Variants in TBCE observed in about 807,000 individuals in gnomAD.
TBCE encodes the protein tubulin folding cofactor E.
TBCE carries 53 observed loss-of-function variants against 77.0 expected under a neutral mutation model. That is an observed-to-expected ratio of 0.69 (90% CI 0.55 to 0.87). The LOEUF (loss-of-function observed/expected upper bound fraction) is 0.87, where lower values mean the gene tolerates loss of function less well. TBCE is among the 40% of genes least tolerant of loss of function. TBCE has a pLI of 0.00. For missense variants in TBCE, 624 were observed against 622.4 expected (o/e 1.00, Z -0.03); for synonymous variants, 235 against 241.3 (o/e 0.97, Z 0.24).
chr1:235,398,253 C>T (rs908127725), intron 2 of TBCE, among the ~76,000 whole-genome samples: 7 of 150,932 alleles, frequency 4.6e-5, no homozygotes, highest in Non-Finnish European at 8.8e-5. Context: ...TCCAGCAATT[C>T]TCCCAACTCA....
Position 235,401,527 on chromosome 1 carries a change from A to G in TBCE, c.125A>G (p.Asp42Gly). 1 of 1,613,874 alleles carries G rather than the reference A, an allele frequency of 6.2e-7. No individual in the cohort carries two copies. Among genetic ancestry groups the G allele is most frequent in the Non-Finnish European group, 8.5e-7 (1 of 1,179,856 alleles). Reference protein sequence around the residue: ...VAGPWLGVEWDNPERGKHDGS... With the variant: ...VAGPWLGVEWGNPERGKHDGS... ...GGACCCTGGTTAGGAGTAGAATGGGACAATCCCGAGAGAGGAAAGCATGAT... is the reference window on the plus strand; with the variant it reads ...GGACCCTGGTTAGGAGTAGAATGGGGCAATCCCGAGAGAGGAAAGCATGAT... Residue 42 changes from aspartate to glycine, a missense_variant, in exon 3 of 17, where the codon GAC becomes GGC. By Grantham distance (94) the Asp-to-Gly change is moderately conservative. Coordinates refer to ENST00000642610, the MANE Select transcript of TBCE (RefSeq NM_003193.5).
At chr1:235,425,466 AC>A (rs1680657936) in intron 5 of TBCE, among the ~76,000 whole-genome samples, 1 of 152,032 alleles carries the variant, frequency 6.6e-6, no homozygotes, top group African/African-American at 2.4e-5. Context: ...AAGCACAGTG[AC>A]TTTTACTGGA....
At chr1:235,444,887 G>T (rs541439137) in intron 15 of TBCE, among the ~76,000 whole-genome samples, 2 of 152,388 alleles carry the variant, frequency 1.3e-5, no homozygotes, top group African/African-American at 4.8e-5. Flanking sequence ...AGGCACTGAG[G>T]TAGACCTGCC....
At chr1:235,398,539 T>G (rs531620306) in intron 2 of TBCE, among the ~76,000 whole-genome samples, 2 of 152,052 alleles carry the variant, frequency 1.3e-5, no homozygotes, top group African/African-American at 4.8e-5. Context: ...ATCTTACTAC[T>G]TGCTTTTTGT....
rs754486562 is a variant in TBCE, at chr1:235,450,363, G to A, written c.*1601G>A. The A allele has an allele frequency of 4.3e-6, 7 of 1,611,934 alleles. No homozygotes were observed. Among genetic ancestry groups the A allele is most frequent in the South Asian group, 1.1e-5 (1 of 90,992 alleles). ...GTCCTGTTGAGAAACAACCAAAGCC[G>A]ATCTGAGAGTGGTGAAACTGTTTTA... On this transcript the variant is annotated 3_prime_UTR_variant, in exon 17 of 17. Transcript: ENST00000642610.
Position 235,419,556 on chromosome 1 carries a change from G to A in TBCE, c.455G>A (p.Cys152Tyr). 4.3e-6 allele frequency: 7 copies of A among 1,614,052 alleles called. No individual in the cohort carries two copies. Among genetic ancestry groups the A allele is most frequent in the Non-Finnish European group, 5.9e-6 (7 of 1,180,010 alleles). ...GAAAAAGGAGGAGTTGCTGAAGCAT[G>A]TCCTAGTATCCTTTTCACCGAGAGC... ...AGEKGGVAEA[C>Y]PNIRKVDLSK... The change falls in exon 5 of 17, where the codon TGT becomes TAT. Residue 152 changes from cysteine (C) to tyrosine (Y), a missense_variant. Transcript: ENST00000642610.
At chr1:235,425,866 G>A (rs1680681704) in intron 5 of TBCE, among the ~76,000 whole-genome samples, 1 of 152,122 alleles carries the variant, frequency 6.6e-6, no homozygotes, top group South Asian at 2.1e-4. Flanking sequence ...TGCCCTCTTA[G>A]AGGAGGTGGT....
At chr1:235,376,864 C>T (rs556355995) in intron 1 of TBCE, among the ~76,000 whole-genome samples, 11 of 152,140 alleles carry the variant, frequency 7.2e-5, no homozygotes, top group African/African-American at 2.4e-4. Context: ...ATCCCAGTTA[C>T]TCAGGAGGGT....
intron 13 of TBCE, chr1:235,441,367 T>G (rs1681866044): frequency 3.9e-6 from 1 of 257,376 alleles, no homozygotes; most frequent in Non-Finnish European, 7.5e-6. Flanking sequence ...AGAAGTGTCC[T>G]GTGGATCGTG....
chr1:235,423,061 C>T (rs16832600), intron 5 of TBCE, among the ~76,000 whole-genome samples: 12,621 of 152,256 alleles, frequency 0.083, 881 homozygotes, highest in African/African-American at 0.19. Context: ...ATTGAATTCT[C>T]GCCAGAAGTT....
At position 235,432,894 on chromosome 1, in the gene TBCE, T is replaced by C. The variant is rs911907092; in HGVS notation, c.661-1310T>C. On this transcript the variant is annotated intron_variant, in intron 7 of 16. Transcript: ENST00000642610. ...TTATATATTATTATACATAATTATA[T>C]AATATATAATAATTTTTTGTAATTT... is the stretch of plus-strand genomic sequence containing the variant. The C allele has an allele frequency of 2.3e-4, 156 of 678,956 alleles. 1 individual carries two copies. The highest frequency in any genetic ancestry group is 2.9e-4 in the Non-Finnish European group (149 of 522,034). 42.1% of individuals were successfully genotyped at this position (678,956 alleles called of 1,614,324 possible). A position where few individuals can be genotyped will look rare whatever the true frequency, so the allele number is the denominator to read the frequency against.
At chr1:235,384,555 G>A (rs1369823979) in intron 2 of TBCE, among the ~76,000 whole-genome samples, 1 of 149,152 alleles carries the variant, frequency 6.7e-6, no homozygotes, top group African/African-American at 2.5e-5. Context: ...GAGGGTGTAT[G>A]TGTCGAGGAA....
rs139781426 is a variant in TBCE, at chr1:235,410,949, T to G, written c.186-3484T>G. Reference sequence around the variant, plus strand: ...ATAAGTGTTCAGTTTAAGAAAACATTTAGTAAGCTTATCCTGCATTCCTAC... The same window carrying G: ...ATAAGTGTTCAGTTTAAGAAAACATGTAGTAAGCTTATCCTGCATTCCTAC... On this transcript the variant is annotated intron_variant, in intron 3 of 16. Coordinates refer to ENST00000642610, the MANE Select transcript of TBCE (RefSeq NM_003193.5). 2.6e-4 allele frequency among the ~76,000 whole-genome samples: 40 copies of G among 152,288 alleles called. No individual in the cohort carries two copies. The East Asian group carries it at 4.8e-3, about 18-fold the overall frequency.
chr1:235,370,358 A>G (rs1228172021), intron 1 of TBCE, among the ~76,000 whole-genome samples: 2 of 150,554 alleles, frequency 1.3e-5, no homozygotes, highest in South Asian at 2.1e-4. Flanking sequence ...GGTTCAAGCA[A>G]TTCTCTGCCT....
rs575887227 is a variant in TBCE at position 235,405,918 on chromosome 1, C to T, written c.185+4331C>T. On this transcript the variant is annotated intron_variant, in intron 3 of 16. Transcript: ENST00000642610. ...CAGCTCCAGTGTGATTATGGGACCA[C>T]TGTAGCATATGCGGTCCATTGTTGA... Among the ~76,000 whole-genome samples the T allele has an allele frequency of 4.4e-3, 614 of 138,326 alleles. 4 individuals carry two copies. Among genetic ancestry groups the T allele is most frequent in the African/African-American group, 0.016 (580 of 37,162 alleles). 90.7% of individuals were successfully genotyped at this position (138,326 alleles called of 152,430 possible). A position where few individuals can be genotyped will look rare whatever the true frequency, so the allele number is the denominator to read the frequency against.
In TBCE at chr1:235,374,549, G is replaced by A. The variant is rs1254198889; in HGVS notation, c.-31-5470G>A. ...TGAATCTCCCTCTGTCGCCCAGGCTGAAGTGCAGTGGTGCAATCTGGGCTC... is the reference window on the plus strand; with the variant it reads ...TGAATCTCCCTCTGTCGCCCAGGCTAAAGTGCAGTGGTGCAATCTGGGCTC... On this transcript the variant is annotated intron_variant, in intron 1 of 16. Coordinates refer to ENST00000642610, the MANE Select transcript of TBCE (RefSeq NM_003193.5). Among the ~76,000 whole-genome samples, 2 of 145,824 alleles carry A rather than the reference G, an allele frequency of 1.4e-5. 1 individual carries two copies. Among genetic ancestry groups the A allele is most frequent in the Admixed American group, 1.4e-4 (2 of 14,750 alleles).
chr1:235,388,361 T>G (rs1257610540), intron 2 of TBCE, among the ~76,000 whole-genome samples: 1 of 149,300 alleles, frequency 6.7e-6, no homozygotes, highest in Non-Finnish European at 1.5e-5. Flanking sequence ...TGATCTTGGC[T>G]CACTGCAACC....
intron 5 of TBCE, among the ~76,000 whole-genome samples, chr1:235,422,713 C>G (rs1176166774): frequency 6.6e-6 from 1 of 152,022 alleles, no homozygotes; most frequent in Non-Finnish European, 1.5e-5. Context: ...CCTGTAGTCC[C>G]AGCTACTTGG....
intron 2 of TBCE, among the ~76,000 whole-genome samples, chr1:235,400,038 C>T (rs1231865631): frequency 6.6e-6 from 1 of 152,148 alleles, no homozygotes; most frequent in African/African-American, 2.4e-5. Flanking sequence ...TTTCCTTACA[C>T]AGCAGTTAAT....
Sources: allele counts gnomAD v4.1 joint callset (sites outside exome capture counted in the v4.1 genomes callset), GRCh38; gene constraint gnomAD v4.1.1; transcripts MANE v1.5; gene names NCBI Gene and HGNC (gene_info 2026-07-23, HGNC 2026-07-21).